CCDC91: variants seen among roughly 807,000 people sequenced by gnomAD.
CCDC91 encodes the protein coiled-coil domain containing 91.
CCDC91 carries 48 observed loss-of-function variants against 63.2 expected under a neutral mutation model. The ratio of observed to expected loss-of-function variants is 0.76; its 90% confidence interval spans 0.60 to 0.97. The LOEUF is 0.97. CCDC91 is among the 50% of genes least tolerant of loss of function. The probability of loss-of-function intolerance (pLI) is 0.00; values close to 1 mark genes in which losing one functional copy is unlikely to be tolerated. For synonymous variants in CCDC91, 167 were observed against 165.8 expected (o/e 1.01, Z -0.06); for missense variants, 500 against 494.6 (o/e 1.01, Z -0.10).
chr12:28,318,734 T>C (rs1384013053), intron 6 of CCDC91, among the ~76,000 whole-genome samples: 3 of 152,024 alleles, frequency 2.0e-5, no homozygotes, highest in African/African-American at 7.2e-5. Flanking sequence ...CCTGTTCTAA[T>C]AATTGAGAAA....
At chr12:28,458,616 C>T (rs974010066) in intron 11 of CCDC91, among the ~76,000 whole-genome samples, 6 of 151,844 alleles carry the variant, frequency 4.0e-5, no homozygotes, top group African/African-American at 1.4e-4. Context: ...ACTACAGGTG[C>T]ACACCACCAC....
rs144914481 is a variant in CCDC91, at chr12:28,485,281, C to T, written c.1215+1116C>T. Among the ~76,000 whole-genome samples the T allele has an allele frequency of 4.8e-3, 723 of 152,080 alleles. 8 individuals carry two copies. Among genetic ancestry groups the T allele is most frequent in the African/African-American group, 0.015 (609 of 41,490 alleles). ...TCAAGCAATTCTTCTGCCCCAGCCT[C>T]CTGAGTAGCTGAAATTACAGGCGCC... is the stretch of plus-strand genomic sequence containing the variant. On this transcript the variant is annotated intron_variant, in intron 12 of 12. Transcript: ENST00000536442.
At chr12:28,257,962 A>G (rs562966444) in intron 2 of CCDC91, among the ~76,000 whole-genome samples, 9 of 148,346 alleles carry the variant, frequency 6.1e-5, no homozygotes, top group Non-Finnish European at 1.2e-4. Context: ...AATTTTACCT[A>G]CTTTGGATTT....
intron 7 of CCDC91, among the ~76,000 whole-genome samples, chr12:28,367,005 G>T (rs1944318822): frequency 6.6e-6 from 1 of 151,982 alleles, no homozygotes; most frequent in African/African-American, 2.4e-5. Flanking sequence ...GTGGTGTCCT[G>T]TCAGAAGAAA....
At chr12:28,458,895 A>G (rs1950180573) in intron 11 of CCDC91, among the ~76,000 whole-genome samples, 1 of 152,158 alleles carries the variant, frequency 6.6e-6, no homozygotes, top group South Asian at 2.1e-4. Context: ...ACTTGGAGTG[A>G]AAAATGGATA....
At chr12:28,431,114 CATAT>C (rs1030169148) in intron 8 of CCDC91, among the ~76,000 whole-genome samples, 1 of 152,108 alleles carries the variant, frequency 6.6e-6, no homozygotes, top group African/African-American at 2.4e-5. Flanking sequence ...CACACACACA[CATAT>C]GATATTAATT....
chr12:28,237,371 GGTTAA>G (rs940334627), intron 1 of CCDC91, among the ~76,000 whole-genome samples: 1 of 151,990 alleles, frequency 6.6e-6, no homozygotes, highest in Non-Finnish European at 1.5e-5. Flanking sequence ...TTGAAGATAT[GGTTAA>G]GTTAAGGGTC....
chr12:28,442,272 G>C (rs1482733978), intron 8 of CCDC91, among the ~76,000 whole-genome samples: 1 of 152,050 alleles, frequency 6.6e-6, no homozygotes, highest in Non-Finnish European at 1.5e-5. Context: ...TTGAGAAAAG[G>C]CTATTTCAGG....
chr12:28,445,932 G>C (rs554035763), intron 8 of CCDC91, among the ~76,000 whole-genome samples: 1 of 152,110 alleles, frequency 6.6e-6, no homozygotes, highest in South Asian at 2.1e-4. Flanking sequence ...TTGTGGGGGA[G>C]GGAGGTAAAA....
chr12:28,369,676 G>T (rs1043359419), intron 7 of CCDC91, among the ~76,000 whole-genome samples: 1 of 152,146 alleles, frequency 6.6e-6, no homozygotes, highest in Non-Finnish European at 1.5e-5. Flanking sequence ...CTCTGTGAGG[G>T]CTCCTCCTCT....
chr12:28,428,349 C>A (rs1592645853), intron 8 of CCDC91, among the ~76,000 whole-genome samples: 1 of 151,850 alleles, frequency 6.6e-6, no homozygotes, highest in East Asian at 1.9e-4. Context: ...GGCGGGCAGA[C>A]CACCTGAGGT....
chr12:28,208,632 A>AT (rs1943017336), intron 1 of CCDC91, among the ~76,000 whole-genome samples: 1 of 152,196 alleles, frequency 6.6e-6, no homozygotes, highest in East Asian at 1.9e-4. Context: ...TATGAAATAG[A>AT]ATCCAGGTTA....
At chr12:28,385,565 A>T (rs1464118799) in intron 7 of CCDC91, among the ~76,000 whole-genome samples, 2 of 152,152 alleles carry the variant, frequency 1.3e-5, no homozygotes, top group East Asian at 3.8e-4. Flanking sequence ...GTATGACTTA[A>T]TGGGTTGTTA....
chr12:28,257,297 G>T, intron 2 of CCDC91, 52 bp downstream of exon 2: 3 of 1,179,672 alleles, frequency 2.5e-6, no homozygotes, highest in South Asian at 1.3e-5. Context: ...GATTATAATG[G>T]AGTAAACTAT....
At chr12:28,348,271 A>C (rs539548714) in intron 6 of CCDC91, among the ~76,000 whole-genome samples, 1 of 152,178 alleles carries the variant, frequency 6.6e-6, no homozygotes, top group African/African-American at 2.4e-5. Context: ...AATTTGCTCC[A>C]TAGCCATCTG....
chr12:28,274,889 G>C (rs1948086522), intron 3 of CCDC91, among the ~76,000 whole-genome samples: 1 of 152,022 alleles, frequency 6.6e-6, no homozygotes, highest in Admixed American at 6.6e-5. Flanking sequence ...TTGAATAGGA[G>C]TGGTGAGAGA....
At chr12:28,299,868 A>T (rs1028839981) in intron 3 of CCDC91, among the ~76,000 whole-genome samples, 1 of 150,334 alleles carries the variant, frequency 6.7e-6, no homozygotes. Context: ...TAGGTTTTAA[A>T]TGTTCTTTAT....
chr12:28,291,587 G>C (rs1440347398), intron 3 of CCDC91, among the ~76,000 whole-genome samples: 1 of 152,186 alleles, frequency 6.6e-6, no homozygotes, highest in Non-Finnish European at 1.5e-5. Context: ...GCTTTGGGAA[G>C]TACTTTGGAG....
At chr12:28,524,216 T>G (rs1941041475) in intron 12 of CCDC91, among the ~76,000 whole-genome samples, 1 of 152,152 alleles carries the variant, frequency 6.6e-6, no homozygotes, top group East Asian at 1.9e-4. Context: ...TCAGAGGGAA[T>G]GCTTTCAACT....
Sources: gnomAD v4.1 joint callset for allele counts (sites outside exome capture counted in the v4.1 genomes callset) on GRCh38, gnomAD v4.1.1 for gene constraint, MANE v1.5 for transcripts, NCBI Gene and HGNC (gene_info 2026-07-23, HGNC 2026-07-21) for gene names.